Variants in SCARA3 observed in about 807,000 individuals in gnomAD.
The protein encoded by SCARA3 is scavenger receptor class A member 3.
SCARA3 carries 39 observed loss-of-function variants against 47.0 expected under a neutral mutation model. That is an observed-to-expected ratio of 0.83 (90% CI 0.64 to 1.08). The LOEUF is 1.08. SCARA3 is among the 50% of genes least tolerant of loss of function. The pLI is 0.00. For missense variants in SCARA3, 724 were observed against 792.3 expected (o/e 0.91, Z 1.04); for synonymous variants, 356 against 334.1 (o/e 1.07, Z -0.71).
chr8:27,688,382 G>T, the SCARA3 span, among the ~76,000 whole-genome samples: 1 of 150,492 alleles, frequency 6.6e-6, no homozygotes, highest in Non-Finnish European at 1.5e-5. Context: ...AAAAAAACTG[G>T]AAGTCCTTGA....
At chr8:27,640,143 A>G (rs577859) in intron 1 of SCARA3, among the ~76,000 whole-genome samples, 38,118 of 152,152 alleles carry the variant, frequency 0.25, 5,471 homozygotes, top group Middle Eastern at 0.4. Context: ...GAAGGAGAAA[A>G]GATGGTTACA....
chr8:27,696,299 C>T, the SCARA3 span, among the ~76,000 whole-genome samples: 1 of 152,140 alleles, frequency 6.6e-6, no homozygotes, highest in Non-Finnish European at 1.5e-5. Flanking sequence ...CATGAGCCAT[C>T]ATGCCTGGCC....
chr8:27,723,883 G>A, the SCARA3 span, among the ~76,000 whole-genome samples: 1 of 152,068 alleles, frequency 6.6e-6, no homozygotes, highest in Admixed American at 6.6e-5. Context: ...GTACAGGCAC[G>A]TGCCACCATG....
chr8:27,718,009 C>T, the SCARA3 span, among the ~76,000 whole-genome samples: 1 of 152,196 alleles, frequency 6.6e-6, no homozygotes, highest in African/African-American at 2.4e-5. Context: ...TTTAGGGATG[C>T]TTACTGTGTA....
downstream of SCARA3, among the ~76,000 whole-genome samples, chr8:27,676,120 A>G (rs1417353350): frequency 6.6e-6 from 1 of 152,246 alleles, no homozygotes; most frequent in Non-Finnish European, 1.5e-5. Flanking sequence ...ATAGATGTTA[A>G]GTGGTTTCAA....
the SCARA3 span, among the ~76,000 whole-genome samples, chr8:27,710,358 A>G: frequency 6.6e-6 from 1 of 152,230 alleles, no homozygotes; most frequent in Non-Finnish European, 1.5e-5. Flanking sequence ...TGAAAATAAC[A>G]ACAATATTGC....
At chr8:27,676,248 T>C (rs574453354), downstream of SCARA3, among the ~76,000 whole-genome samples, 2 of 152,312 alleles carry the variant, frequency 1.3e-5, no homozygotes, top group South Asian at 4.1e-4. Flanking sequence ...ATCAACTTGC[T>C]CAAGTTCCCA....
chr8:27,642,129 T>C (rs1801395586), intron 1 of SCARA3, among the ~76,000 whole-genome samples: 1 of 152,214 alleles, frequency 6.6e-6, no homozygotes, highest in Admixed American at 6.5e-5. Flanking sequence ...GTATGCCATG[T>C]TTTCCACACT....
At chr8:27,641,093 T>G (rs1433255824) in intron 1 of SCARA3, among the ~76,000 whole-genome samples, 1 of 152,258 alleles carries the variant, frequency 6.6e-6, no homozygotes, top group Non-Finnish European at 1.5e-5. Context: ...TTTAGCTATT[T>G]GCATTTTCCC....
chr8:27,716,702 A>C, the SCARA3 span, among the ~76,000 whole-genome samples: 1 of 152,250 alleles, frequency 6.6e-6, no homozygotes, highest in Non-Finnish European at 1.5e-5. Flanking sequence ...AGGCAGAAAA[A>C]TCAATGGATG....
At chr8:27,661,921 T>C (rs775551864) in intron 5 of SCARA3, among the ~76,000 whole-genome samples, 20 of 152,206 alleles carry the variant, frequency 1.3e-4, no homozygotes, top group Admixed American at 2.6e-4. Flanking sequence ...CTTACTTCCA[T>C]TGTGGAGTAG....
chr8:27,672,089 C>G lies in SCARA3; in HGVS notation c.*738C>G. On this transcript the variant is annotated 3_prime_UTR_variant, in exon 6 of 6. Transcript: ENST00000301904. ...CCAGAGGCAAAGTGGACCTGGCAAC[C>G]ACAAGACCCTCCCCATAAGCAGGGG... is the stretch of plus-strand genomic sequence containing the variant. The G allele has an allele frequency of 8.1e-6, 8 of 985,450 alleles. No homozygotes were observed. Among genetic ancestry groups the G allele is most frequent in the Non-Finnish European group, 8.4e-6 (7 of 829,954 alleles). 61.0% of individuals were successfully genotyped at this position (985,450 alleles called of 1,614,324 possible).
At chr8:27,694,124 G>A in the SCARA3 span, among the ~76,000 whole-genome samples, 1 of 152,170 alleles carries the variant, frequency 6.6e-6, no homozygotes, top group African/African-American at 2.4e-5. Context: ...TCCTTGCTCT[G>A]TTGCTTACCA....
chr8:27,701,046 G>C, the SCARA3 span: 1 of 151,798 alleles, frequency 6.6e-6, no homozygotes, highest in Non-Finnish European at 1.5e-5. Context: ...TTCATCAATA[G>C]GCAAATGCAT....
the SCARA3 span, among the ~76,000 whole-genome samples, chr8:27,720,980 TCATTCACCCACCCATC>T: frequency 7.2e-5 from 11 of 151,998 alleles, no homozygotes; most frequent in East Asian, 9.7e-4. Context: ...ATCTATCCAT[TCATTCACCCACCCATC>T]CATTCACCCA....
intron 1 of SCARA3, among the ~76,000 whole-genome samples, chr8:27,639,301 C>T (rs764143980): frequency 4.6e-5 from 7 of 152,150 alleles, no homozygotes; most frequent in African/African-American, 9.7e-5. Context: ...AGACGAGAAC[C>T]GAATCATCCA....
chr8:27,726,992 T>C, the SCARA3 span, among the ~76,000 whole-genome samples: 1 of 152,110 alleles, frequency 6.6e-6, no homozygotes, highest in Non-Finnish European at 1.5e-5. Flanking sequence ...CAGGCTGGTC[T>C]TGAACTCCTG....
chr8:27,716,323 T>TA, the SCARA3 span, among the ~76,000 whole-genome samples: 3 of 149,194 alleles, frequency 2.0e-5, no homozygotes, highest in Admixed American at 6.7e-5. Flanking sequence ...AAATATCTCT[T>TA]TATATATATA....
chr8:27,698,958 T>C, the SCARA3 span, among the ~76,000 whole-genome samples: 5 of 152,212 alleles, frequency 3.3e-5, no homozygotes, highest in East Asian at 9.6e-4. Context: ...TAATAAGACG[T>C]TCATGGCTGG....
Sources: gnomAD v4.1 joint callset for allele counts (sites outside exome capture counted in the v4.1 genomes callset) on GRCh38, gnomAD v4.1.1 for gene constraint, MANE v1.5 for transcripts, NCBI Gene and HGNC (gene_info 2026-07-23, HGNC 2026-07-21) for gene names.